The following NRXN3 variants were observed in gnomAD, a reference collection of about 807,000 sequenced individuals.
NRXN3 encodes the protein neurexin 3.
A neutral mutation model predicts 137.6 loss-of-function variants in NRXN3; 32 were observed. The ratio of observed to expected loss-of-function variants is 0.23; its 90% CI spans 0.18 to 0.31. The LOEUF (loss-of-function observed/expected upper bound fraction) is 0.31. NRXN3 is among the 10% of genes least tolerant of loss of function. The pLI is 1.00. For synonymous variants in NRXN3, 798 were observed against 784.5 expected (o/e 1.02, Z -0.29); for missense variants, 1,574 against 2,062.5 (o/e 0.76, Z 4.59).
intron 16 of NRXN3, among the ~76,000 whole-genome samples, chr14:79,576,052 G>T (rs1479257315): frequency 3.9e-5 from 6 of 152,128 alleles, no homozygotes; most frequent in Non-Finnish European, 8.8e-5. Flanking sequence ...TGATTTCAAG[G>T]GGTGTGCAAA....
intron 1 of NRXN3, among the ~76,000 whole-genome samples, chr14:78,200,752 C>T (rs574223383): frequency 4.3e-4 from 66 of 152,242 alleles, no homozygotes; most frequent in South Asian, 1.2e-3. Flanking sequence ...AATGGTTCTC[C>T]AATATCTCAG....
At chr14:79,185,199 TA>T (rs1047535580) in intron 15 of NRXN3, among the ~76,000 whole-genome samples, 6 of 152,184 alleles carry the variant, frequency 3.9e-5, no homozygotes, top group Non-Finnish European at 8.8e-5. Flanking sequence ...GCAGAAACAC[TA>T]ATACCCAGGA....
chr14:78,432,972 G>A (rs1238707656), intron 4 of NRXN3, among the ~76,000 whole-genome samples: 1 of 152,170 alleles, frequency 6.6e-6, no homozygotes. Context: ...AAACTTAGTG[G>A]CTTAAAACAA....
At chr14:79,524,117 C>A (rs1004159861) in intron 16 of NRXN3, among the ~76,000 whole-genome samples, 1 of 152,194 alleles carries the variant, frequency 6.6e-6, no homozygotes, top group Admixed American at 6.6e-5. Flanking sequence ...TGCATGCCTG[C>A]GACCTTCAGC....
At chr14:79,722,614 A>G (rs2098848612) in intron 19 of NRXN3, among the ~76,000 whole-genome samples, 2 of 152,066 alleles carry the variant, frequency 1.3e-5, no homozygotes, top group African/African-American at 4.8e-5. Context: ...TAAAATGCCA[A>G]TCTCAGATTT....
At chr14:78,784,892 G>A (rs981943057) in intron 8 of NRXN3, among the ~76,000 whole-genome samples, 1 of 152,092 alleles carries the variant, frequency 6.6e-6, no homozygotes, top group Admixed American at 6.5e-5. Context: ...ACAGGGGCAG[G>A]GCACGTTCCA....
chr14:78,375,621 T>C (rs920089670), intron 4 of NRXN3, among the ~76,000 whole-genome samples: 2 of 152,166 alleles, frequency 1.3e-5, no homozygotes, highest in Admixed American at 6.5e-5. Context: ...CAAGTATATA[T>C]ATGTATTTTG....
At chr14:79,548,017 T>C (rs1428139223) in intron 16 of NRXN3, among the ~76,000 whole-genome samples, 1 of 151,974 alleles carries the variant, frequency 6.6e-6, no homozygotes, top group Non-Finnish European at 1.5e-5. Flanking sequence ...TAGTGTGTTA[T>C]TTCTTTTTTT....
intron 15 of NRXN3, among the ~76,000 whole-genome samples, chr14:79,413,418 G>C (rs2095447599): frequency 1.3e-5 from 2 of 152,040 alleles, no homozygotes; most frequent in South Asian, 4.2e-4. Flanking sequence ...TTTGCCTGGG[G>C]CTGTTGCTGC....
At chr14:78,894,102 T>G (rs569046325) in intron 10 of NRXN3, among the ~76,000 whole-genome samples, 101 of 151,880 alleles carry the variant, frequency 6.6e-4, no homozygotes, top group Non-Finnish European at 1.2e-3. Context: ...CTGAAGGAGG[T>G]TAGGGTGGCT....
intron 4 of NRXN3, among the ~76,000 whole-genome samples, chr14:78,369,460 A>G (rs576204921): frequency 1.3e-5 from 2 of 151,922 alleles, no homozygotes; most frequent in African/African-American, 4.8e-5. Context: ...GCTCTTACCT[A>G]CCTTCTCTTG....
intron 4 of NRXN3, among the ~76,000 whole-genome samples, chr14:78,458,849 T>A (rs538485760): frequency 6.6e-6 from 1 of 152,294 alleles, no homozygotes; most frequent in Admixed American, 6.5e-5. Flanking sequence ...TGGAGCCATC[T>A]AACTAAGGAG....
chr14:79,819,919 C>T (rs1279002558), intron 20 of NRXN3, among the ~76,000 whole-genome samples: 4 of 152,072 alleles, frequency 2.6e-5, no homozygotes, highest in East Asian at 3.9e-4. Flanking sequence ...AGGAGCTTAA[C>T]GTCTTGCCCT....
intron 19 of NRXN3, among the ~76,000 whole-genome samples, chr14:79,721,994 T>A (rs956470466): frequency 2.0e-5 from 3 of 152,110 alleles, no homozygotes; most frequent in African/African-American, 7.2e-5. Context: ...AAATGGTCTG[T>A]GGAGTCAGAC....
At chr14:79,039,728 C>T (rs2099622068) in intron 15 of NRXN3, among the ~76,000 whole-genome samples, 1 of 152,000 alleles carries the variant, frequency 6.6e-6, no homozygotes, top group African/African-American at 2.4e-5. Flanking sequence ...GCTCTGTTGC[C>T]CAGGCTAGAG....
chr14:79,502,257 A>T (rs2153674125), intron 16 of NRXN3, among the ~76,000 whole-genome samples: 1 of 152,304 alleles, frequency 6.6e-6, no homozygotes, highest in Non-Finnish European at 1.5e-5. Context: ...CCCCTAAAAC[A>T]GAAAGGTGAC....
rs114997632 is a variant in NRXN3, at chr14:79,276,095, T to C, written c.3263-191126T>C. 7.2e-3 allele frequency among the ~76,000 whole-genome samples: 1,094 copies of C among 152,276 alleles called. 12 individuals carry two copies. The highest frequency in any genetic ancestry group is 0.025 in the African/African-American group (1,034 of 41,560). On this transcript the variant is annotated intron_variant, in intron 15 of 20. Transcript: ENST00000335750. ...TCAAGAGGAAGAGGAGAGCTTTTGA[T>C]GGTAGGACAAGGGATGACAAATCCT... is the stretch of plus-strand genomic sequence containing the variant.
chr14:78,556,424 C>T (rs1002932588), intron 4 of NRXN3, among the ~76,000 whole-genome samples: 3 of 152,240 alleles, frequency 2.0e-5, no homozygotes, highest in East Asian at 3.9e-4. Context: ...CTAAAGGAAA[C>T]GTTTATGTGA....
rs557817934 is a variant in NRXN3 at position 78,793,579 on chromosome 14, C to A, written c.2045-10041C>A. On this transcript the variant is annotated intron_variant, in intron 8 of 20. Coordinates refer to ENST00000335750, the MANE Select transcript of NRXN3 (RefSeq NM_001330195.2). ...CAAGAGTCCTCTCCCAGTTAAATCA[C>A]AAAGGATGTTCCTAATTTCTCCAGC... Among the ~76,000 whole-genome samples the A allele has an allele frequency of 2.0e-5, 3 of 152,276 alleles. No individual in the cohort carries two copies. The East Asian group carries it at 5.8e-4, about 29-fold the overall frequency.
Sources: allele counts gnomAD v4.1 joint callset (sites outside exome capture counted in the v4.1 genomes callset), GRCh38; gene constraint gnomAD v4.1.1; transcripts MANE v1.5; gene names NCBI Gene and HGNC (gene_info 2026-07-23, HGNC 2026-07-21).